Variants in STXBP4 observed in about 807,000 individuals in gnomAD.
The protein encoded by STXBP4 is syntaxin binding protein 4.
A neutral mutation model predicts 76.1 loss-of-function variants in STXBP4; 55 were observed. The ratio of observed to expected loss-of-function variants is 0.72; its 90% CI spans 0.58 to 0.91. The LOEUF is 0.91. Among genes scored for constraint, STXBP4 ranks in the 40% least tolerant of loss-of-function variants. The probability of loss-of-function intolerance (pLI) is 0.00; values close to 1 mark genes in which losing one functional copy is unlikely to be tolerated. For missense variants in STXBP4, 618 were observed against 636.9 expected, an observed-to-expected ratio of 0.97 and a Z score of 0.32; for synonymous variants, 201 against 220.2, an observed-to-expected ratio of 0.91 and a Z score of 0.77.
chr17:55,113,287 T>C (rs573177760), intron 16 of STXBP4, among the ~76,000 whole-genome samples: 16 of 151,798 alleles, frequency 1.1e-4, no homozygotes, highest in African/African-American at 3.6e-4. Flanking sequence ...AGGTGATGGC[T>C]ATATTAATTT....
intron 10 of STXBP4, among the ~76,000 whole-genome samples, chr17:55,040,404 T>C (rs184844937): frequency 6.6e-6 from 1 of 152,178 alleles, no homozygotes; most frequent in Non-Finnish European, 1.5e-5. Context: ...TCACACACAA[T>C]TTTATAAGGA....
At chr17:55,149,428 A>G (rs1026034152) in intron 17 of STXBP4, among the ~76,000 whole-genome samples, 4 of 152,076 alleles carry the variant, frequency 2.6e-5, no homozygotes, top group Admixed American at 6.5e-5. Flanking sequence ...TTATTTCAAT[A>G]CTCTCTACCC....
chr17:55,071,845 T>G (rs1280190872), intron 12 of STXBP4, among the ~76,000 whole-genome samples: 1 of 152,182 alleles, frequency 6.6e-6, no homozygotes, highest in Admixed American at 6.5e-5. Context: ...TAGTTTAATA[T>G]TAGCCATGGC....
intron 8 of STXBP4, among the ~76,000 whole-genome samples, chr17:55,021,543 T>A (rs529786227): frequency 8.5e-5 from 13 of 152,190 alleles, no homozygotes; most frequent in African/African-American, 3.1e-4. Flanking sequence ...ATAATTTTTT[T>A]ATAAAAGGAA....
rs187281208 is a variant in STXBP4, at chr17:55,170,736, A to G, written c.*10825A>G. The G allele has an allele frequency of 6.6e-5, 10 of 152,342 alleles. No homozygotes were observed. The highest frequency in any genetic ancestry group is 2.4e-4 in the African/African-American group (10 of 41,582). 9.4% of individuals were successfully genotyped at this position (152,342 alleles called of 1,614,324 possible). A position where few individuals can be genotyped will look rare whatever the true frequency, so the allele number is the denominator to read the frequency against. Reference sequence around the variant, plus strand: ...ACCTGCATTGTCAATAACTAAATTGATTATTGTGGAAACAACAAAAAAATT... The same window carrying G: ...ACCTGCATTGTCAATAACTAAATTGGTTATTGTGGAAACAACAAAAAAATT... On this transcript the variant is annotated 3_prime_UTR_variant, in exon 18 of 18. Transcript: ENST00000376352.
At position 54,968,771 on chromosome 17, in the gene STXBP4, C is replaced by T. The variant is rs1180094751; in HGVS notation, c.-201C>T. The T allele has an allele frequency of 3.5e-6, 4 of 1,148,256 alleles. No individual in the cohort carries two copies. Among genetic ancestry groups the T allele is most frequent in the Non-Finnish European group, 2.5e-6 (2 of 815,534 alleles). 71.1% of individuals were successfully genotyped at this position (1,148,256 alleles called of 1,614,324 possible). A position where few individuals can be genotyped will look rare whatever the true frequency, so the allele number is the denominator to read the frequency against. On this transcript the variant is annotated 5_prime_UTR_variant, in exon 1 of 18. Coordinates refer to ENST00000376352, the MANE Select transcript of STXBP4 (RefSeq NM_178509.6). ...CTTGGCTACCAGGCTCCTCAGGTGG[C>T]AGCGCTTGCAGTCGGGCTACGGAGG...
the STXBP4 span, among the ~76,000 whole-genome samples, chr17:55,197,397 C>T: frequency 6.6e-6 from 1 of 152,232 alleles, no homozygotes; most frequent in Non-Finnish European, 1.5e-5. Context: ...GCCACCAAGC[C>T]TATGGCTTTC....
intron 12 of STXBP4, among the ~76,000 whole-genome samples, chr17:55,052,695 A>AT (rs2078873422): frequency 6.6e-6 from 1 of 152,052 alleles, no homozygotes; most frequent in African/African-American, 2.4e-5. Context: ...AAACACCTTG[A>AT]CTAAATGTTG....
At chr17:55,199,745 T>G in the STXBP4 span, among the ~76,000 whole-genome samples, 10 of 152,224 alleles carry the variant, frequency 6.6e-5, no homozygotes, top group African/African-American at 2.4e-4. Context: ...AAATTTTTGT[T>G]CCTCGAGTGC....
chr17:54,977,006 C>T (rs9914732), intron 1 of STXBP4, among the ~76,000 whole-genome samples: 1 of 151,824 alleles, frequency 6.6e-6, no homozygotes, highest in Non-Finnish European at 1.5e-5. Context: ...AATTTTAGCT[C>T]GTCAGGGAGA....
At chr17:55,181,656 CT>C in the STXBP4 span, among the ~76,000 whole-genome samples, 1 of 152,010 alleles carries the variant, frequency 6.6e-6, no homozygotes, top group Non-Finnish European at 1.5e-5. Flanking sequence ...AAAATCCGGA[CT>C]TAAAAATAAT....
At chr17:55,112,020 A>G (rs767539499) in intron 16 of STXBP4, among the ~76,000 whole-genome samples, 3 of 152,060 alleles carry the variant, frequency 2.0e-5, no homozygotes, top group Admixed American at 6.6e-5. Context: ...GGCTCAGGCT[A>G]TTGTCCCACT....
chr17:55,156,453 T>C (rs1157329955), intron 17 of STXBP4, among the ~76,000 whole-genome samples: 4 of 152,210 alleles, frequency 2.6e-5, no homozygotes, highest in African/African-American at 9.6e-5. Context: ...CCTTCCAGCA[T>C]CATAGGAAGA....
intron 16 of STXBP4, among the ~76,000 whole-genome samples, chr17:55,082,793 G>A (rs2628300): frequency 0.53 from 80,274 of 151,628 alleles, 21,421 homozygotes; most frequent in South Asian, 0.64. Context: ...GAGAAGAACT[G>A]CATAACAGGG....
intron 8 of STXBP4, 27 bp downstream of exon 8, chr17:55,007,624 T>C: frequency 6.4e-7 from 1 of 1,551,456 alleles, no homozygotes; most frequent in South Asian, 1.2e-5. Flanking sequence ...TTCATTTTTC[T>C]TCCATAAGAC....
At chr17:55,007,654 TCTC>T in intron 8 of STXBP4, 57 bp downstream of exon 8, 1 of 1,360,800 alleles carries the variant, frequency 7.3e-7, no homozygotes, top group Non-Finnish European at 1.0e-6. Flanking sequence ...AAAGAAGTAT[TCTC>T]CTTCTTTGAG....
chr17:55,211,987 T>A, the STXBP4 span, among the ~76,000 whole-genome samples: 1 of 139,440 alleles, frequency 7.2e-6, no homozygotes, highest in Admixed American at 7.0e-5. Context: ...ATTTTTGTAT[T>A]TTTTTTTTTT....
At chr17:55,052,011 A>G (rs1430438190) in intron 12 of STXBP4, among the ~76,000 whole-genome samples, 1 of 152,130 alleles carries the variant, frequency 6.6e-6, no homozygotes, top group East Asian at 1.9e-4. Context: ...AAAGTCAAAA[A>G]AAACATTAAG....
intron 8 of STXBP4, among the ~76,000 whole-genome samples, chr17:55,023,451 G>A (rs2078350127): frequency 6.6e-6 from 1 of 152,114 alleles, no homozygotes; most frequent in African/African-American, 2.4e-5. Context: ...TTTATATAAT[G>A]TTTTAAAATA....
Sources: allele counts gnomAD v4.1 joint callset (sites outside exome capture counted in the v4.1 genomes callset), GRCh38; gene constraint gnomAD v4.1.1; transcripts MANE v1.5; gene names NCBI Gene and HGNC (gene_info 2026-07-23, HGNC 2026-07-21).